PPP1R12B: variants seen among roughly 807,000 people sequenced by gnomAD.
PPP1R12B encodes myosin phosphatase target subunit 2.
PPP1R12B carries 76 observed loss-of-function variants against 126.1 expected under a neutral mutation model. That is an observed-to-expected ratio of 0.60 (90% CI 0.50 to 0.73). The LOEUF (loss-of-function observed/expected upper bound fraction) is 0.73, where lower values mean the gene tolerates loss of function less well. Ranked by LOEUF, PPP1R12B falls within the 30% of genes least tolerant of loss-of-function variation. PPP1R12B has a pLI of 0.00. For missense variants in PPP1R12B, 1,052 were observed against 1,205.1 expected (o/e 0.87, Z 1.88); for synonymous variants, 356 against 434.7 (o/e 0.82, Z 2.25).
At chr1:202,519,568 G>A (rs1202514652) in intron 18 of PPP1R12B, among the ~76,000 whole-genome samples, 6 of 152,034 alleles carry the variant, frequency 3.9e-5, no homozygotes, top group South Asian at 4.1e-4. Flanking sequence ...CACTGTGCCT[G>A]GCCTCAATTT....
intron 1 of PPP1R12B, among the ~76,000 whole-genome samples, chr1:202,374,388 C>G (rs1352309145): frequency 6.6e-6 from 1 of 151,766 alleles, no homozygotes; most frequent in African/African-American, 2.4e-5. Context: ...ATAAAAGAGA[C>G]ATGGACCTCT....
chr1:202,464,575 A>G (rs149961624), intron 13 of PPP1R12B, among the ~76,000 whole-genome samples: 14 of 152,312 alleles, frequency 9.2e-5, no homozygotes, highest in African/African-American at 2.6e-4. Flanking sequence ...GGTACAAGGT[A>G]TAAAGCTCCC....
At chr1:202,399,751 C>T (rs1665543007) in intron 1 of PPP1R12B, among the ~76,000 whole-genome samples, 1 of 152,048 alleles carries the variant, frequency 6.6e-6, no homozygotes, top group South Asian at 2.1e-4. Flanking sequence ...TTGCCTCAGC[C>T]TCCCAAAGTG....
intron 1 of PPP1R12B, among the ~76,000 whole-genome samples, chr1:202,398,987 A>G (rs1420218793): frequency 6.6e-6 from 1 of 152,056 alleles, no homozygotes. Context: ...AAACATATAT[A>G]TATATTTTTT....
chr1:202,509,202 A>G (rs868733220), intron 18 of PPP1R12B, among the ~76,000 whole-genome samples: 169 of 84,532 alleles, frequency 2.0e-3, no homozygotes, highest in African/African-American at 6.5e-3. Flanking sequence ...CATTGTGCCA[A>G]TTCCCGATTC....
chr1:202,439,123 G>A, intron 10 of PPP1R12B: 1 of 1,574,440 alleles, frequency 6.4e-7, no homozygotes, highest in Non-Finnish European at 8.7e-7. Flanking sequence ...TCGAGGAGGA[G>A]GAGCAGCTCC....
intron 5 of PPP1R12B, 141 bp from the exon 6 acceptor site, chr1:202,428,714 A>T: frequency 1.5e-6 from 1 of 663,720 alleles, no homozygotes; most frequent in Middle Eastern, 2.4e-4. Flanking sequence ...GTGTTATCAT[A>T]ATGTATGGTA....
At chr1:202,451,647 G>A (rs999638475) in intron 13 of PPP1R12B, among the ~76,000 whole-genome samples, 14 of 151,778 alleles carry the variant, frequency 9.2e-5, no homozygotes, top group Non-Finnish European at 1.8e-4. Flanking sequence ...CCACAAAACC[G>A]CCATTGTCAT....
Position 202,444,933 on chromosome 1 carries a change from CCT to C in PPP1R12B, c.1667+2362_1667+2363del, listed in dbSNP as rs1387894109. 211 of 902,310 alleles carry C rather than the reference CCT, an allele frequency of 2.3e-4. No individual in the cohort carries two copies. The African/African-American group carries it at 2.6e-3, about 11-fold the overall frequency. 55.9% of individuals were successfully genotyped at this position (902,310 alleles called of 1,614,324 possible). A position where few individuals can be genotyped will look rare whatever the true frequency, so the allele number is the denominator to read the frequency against. ...TCACTTCACTTCCCAGTTGTCATAC[CCT>C]TTCTTTGGTCTATATTCATTTCAAG... On this transcript the variant is annotated intron_variant, in intron 12 of 23. Transcript: ENST00000608999.
intron 1 of PPP1R12B, among the ~76,000 whole-genome samples, chr1:202,402,005 G>T (rs1665914005): frequency 6.6e-6 from 1 of 152,230 alleles, no homozygotes; most frequent in African/African-American, 2.4e-5. Flanking sequence ...CCCTGCTAGT[G>T]AAGTGCTCTG....
intron 1 of PPP1R12B, among the ~76,000 whole-genome samples, chr1:202,368,593 C>T (rs1472023118): frequency 2.0e-5 from 3 of 151,980 alleles, no homozygotes; most frequent in Non-Finnish European, 4.4e-5. Flanking sequence ...ACCCCTTCAT[C>T]CTCCCCCAGG....
intron 5 of PPP1R12B, 33 bp downstream of exon 5, chr1:202,427,217 A>C: frequency 6.2e-7 from 1 of 1,610,410 alleles, no homozygotes; most frequent in Non-Finnish European, 8.5e-7. Flanking sequence ...AAGAACAACG[A>C]GATTGGTGGC....
intron 13 of PPP1R12B, among the ~76,000 whole-genome samples, chr1:202,459,808 C>T (rs1159034999): frequency 6.6e-6 from 1 of 152,212 alleles, no homozygotes; most frequent in Non-Finnish European, 1.5e-5. Context: ...CAGTCCACAG[C>T]TCAGAATGCA....
At chr1:202,410,648 T>C (rs1358397830) in intron 1 of PPP1R12B, among the ~76,000 whole-genome samples, 2 of 152,174 alleles carry the variant, frequency 1.3e-5, no homozygotes, top group Admixed American at 6.5e-5. Context: ...TCAGGTACAG[T>C]AGTGAGATCA....
chr1:202,542,865 A>G (rs778898478), intron 18 of PPP1R12B, among the ~76,000 whole-genome samples: 1 of 152,158 alleles, frequency 6.6e-6, no homozygotes, highest in East Asian at 1.9e-4. Flanking sequence ...GTCCTCTTCC[A>G]AACTTCTTTA....
intron 23 of PPP1R12B, among the ~76,000 whole-genome samples, chr1:202,572,597 T>G (rs902000419): frequency 1.3e-5 from 2 of 152,186 alleles, no homozygotes; most frequent in Non-Finnish European, 2.9e-5. Context: ...CAGGTGTGCA[T>G]GTCAGTGTGA....
intron 18 of PPP1R12B, among the ~76,000 whole-genome samples, chr1:202,548,555 C>A (rs1464199486): frequency 6.6e-6 from 1 of 151,962 alleles, no homozygotes; most frequent in Non-Finnish European, 1.5e-5. Flanking sequence ...AAACTCCCAA[C>A]CTCAAGTGAT....
At chr1:202,438,227 A>G (rs1249738455) in intron 10 of PPP1R12B, 2 of 1,570,720 alleles carry the variant, frequency 1.3e-6, no homozygotes, top group Non-Finnish European at 8.6e-7. Context: ...AAGAAAATAA[A>G]AAAGCTTTAA....
chr1:202,569,968 G>A (rs1688439660), intron 23 of PPP1R12B, among the ~76,000 whole-genome samples: 1 of 152,170 alleles, frequency 6.6e-6, no homozygotes, highest in Non-Finnish European at 1.5e-5. Context: ...GGGTGAAAGG[G>A]GCAAGATGGA....
Sources: allele counts gnomAD v4.1 joint callset (sites outside exome capture counted in the v4.1 genomes callset), GRCh38; gene constraint gnomAD v4.1.1; transcripts MANE v1.5; gene names NCBI Gene and HGNC (gene_info 2026-07-23, HGNC 2026-07-21).